Variants in SEMA5A observed in about 807,000 individuals in gnomAD.
SEMA5A encodes semaphorin 5A.
In SEMA5A, 55 loss-of-function variants were observed where a neutral mutation model predicts 135.5. That is an observed-to-expected ratio of 0.41 (90% CI 0.33 to 0.51). The LOEUF (loss-of-function observed/expected upper bound fraction) is 0.51. SEMA5A is among the 20% of genes least tolerant of loss of function. The pLI, the probability that SEMA5A is intolerant of heterozygous loss-of-function variation, is 0.37. For synonymous variants in SEMA5A, 580 were observed against 546.5 expected (o/e 1.06, Z -0.85); for missense variants, 1,290 against 1,419.9 (o/e 0.91, Z 1.47).
chr5:9,295,200 G>T (rs1034494272), intron 5 of SEMA5A, among the ~76,000 whole-genome samples: 8 of 152,142 alleles, frequency 5.3e-5, no homozygotes, highest in African/African-American at 1.9e-4. Flanking sequence ...TATTCAGTAA[G>T]CATAAAAAGG....
At chr5:9,083,586 T>TCATCCATCCATC (rs60509063) in intron 16 of SEMA5A, among the ~76,000 whole-genome samples, 11 of 44,970 alleles carry the variant, frequency 2.4e-4, no homozygotes, top group Admixed American at 7.3e-4. Context: ...ATTCATCCAT[T>TCATCCATCCATC]CATCCATCCA....
At chr5:9,265,244 G>A (rs1251628494) in intron 5 of SEMA5A, among the ~76,000 whole-genome samples, 1 of 152,042 alleles carries the variant, frequency 6.6e-6, no homozygotes, top group Non-Finnish European at 1.5e-5. Context: ...GGTCTCCAAC[G>A]GCCTAATTAC....
intron 17 of SEMA5A, among the ~76,000 whole-genome samples, chr5:9,063,663 C>T (rs1737304401): frequency 6.6e-6 from 1 of 152,210 alleles, no homozygotes; most frequent in Admixed American, 6.5e-5. Flanking sequence ...GGAACTCATG[C>T]CCTAGAACTG....
chr5:9,457,809 G>C (rs1480705161), intron 1 of SEMA5A, among the ~76,000 whole-genome samples: 1 of 151,706 alleles, frequency 6.6e-6, no homozygotes. Context: ...ATGCCTTTTG[G>C]GGCTACATGT....
chr5:9,055,826 G>A (rs1166608413), intron 18 of SEMA5A, among the ~76,000 whole-genome samples: 9 of 151,202 alleles, frequency 6.0e-5, no homozygotes, highest in African/African-American at 2.2e-4. Context: ...GATACTGGCT[G>A]TAATATCAGC....
chr5:9,053,254 C>A (rs1051716830), intron 19 of SEMA5A, among the ~76,000 whole-genome samples: 3 of 152,222 alleles, frequency 2.0e-5, no homozygotes, highest in Admixed American at 6.5e-5. Flanking sequence ...AAGCGAGGAG[C>A]TCCCACACCC....
intron 8 of SEMA5A, among the ~76,000 whole-genome samples, chr5:9,221,592 G>A (rs71611368): frequency 0.069 from 10,545 of 152,162 alleles, 480 homozygotes; most frequent in Middle Eastern, 0.12. Context: ...GTGAGCCACC[G>A]CGCCTGGCCC....
At chr5:9,211,530 G>A (rs566888440) in intron 8 of SEMA5A, among the ~76,000 whole-genome samples, 9 of 152,140 alleles carry the variant, frequency 5.9e-5, no homozygotes, top group African/African-American at 2.2e-4. Flanking sequence ...CTTCCAAACA[G>A]GCTCTCACTG....
chr5:9,404,125 G>T (rs760789673), intron 2 of SEMA5A, among the ~76,000 whole-genome samples: 1 of 152,046 alleles, frequency 6.6e-6, no homozygotes, highest in Non-Finnish European at 1.5e-5. Flanking sequence ...GTAGAGATGC[G>T]GTTTCACCAT....
At chr5:9,534,979 A>G (rs188089614) in intron 1 of SEMA5A, among the ~76,000 whole-genome samples, 6 of 152,338 alleles carry the variant, frequency 3.9e-5, no homozygotes, top group African/African-American at 2.4e-5. Flanking sequence ...CCTAAAGTCC[A>G]AGCACCTACA....
chr5:9,431,518 A>T (rs1336354418), intron 2 of SEMA5A, among the ~76,000 whole-genome samples: 4 of 152,146 alleles, frequency 2.6e-5, no homozygotes, highest in African/African-American at 9.7e-5. Context: ...GCTCAAAAAG[A>T]CACAAACACA....
chr5:9,451,329 G>A (rs1338699959), intron 1 of SEMA5A, among the ~76,000 whole-genome samples: 1 of 152,172 alleles, frequency 6.6e-6, no homozygotes, highest in Non-Finnish European at 1.5e-5. Flanking sequence ...TCATTCAAAT[G>A]GAAAGCTGGC....
chr5:9,216,265 T>C (rs1194589646), intron 8 of SEMA5A, among the ~76,000 whole-genome samples: 1 of 152,228 alleles, frequency 6.6e-6, no homozygotes, highest in African/African-American at 2.4e-5. Context: ...AGGAGCATGT[T>C]GTTCGATTTC....
chr5:9,195,255 C>T (rs1039374786), intron 10 of SEMA5A, among the ~76,000 whole-genome samples: 2 of 152,140 alleles, frequency 1.3e-5, no homozygotes, highest in Non-Finnish European at 2.9e-5. Flanking sequence ...ACTGATTGAA[C>T]TCCTGGGCTC....
At chr5:9,353,098 G>GAAAGGGAAGGGAAGGGA (rs1378151075) in intron 3 of SEMA5A, among the ~76,000 whole-genome samples, 1 of 21,788 alleles carries the variant, frequency 4.6e-5, no homozygotes, top group Admixed American at 7.9e-4. Flanking sequence ...GGAAAGGAAG[G>GAAAGGGAAGGGAAGGGA]AAGGAAAGGA....
rs1736038240 is a variant in SEMA5A, at chr5:9,042,896, G to A, written c.*1C>T. 1 of 1,613,972 alleles carries A rather than the reference G, an allele frequency of 6.2e-7. No individual in the cohort carries two copies. On this transcript the variant is annotated 3_prime_UTR_variant, in exon 23 of 23. Transcript: ENST00000382496. ...ACAAGAAGCCAAAAACATGAAAGCT[G>A]TTAGTACTCATCATAATTATTGAGA...
intron 2 of SEMA5A, among the ~76,000 whole-genome samples, chr5:9,388,318 G>A (rs1458137601): frequency 6.6e-6 from 1 of 152,050 alleles, no homozygotes; most frequent in East Asian, 1.9e-4. Flanking sequence ...AGATCGCCTG[G>A]AGGAACGATA....
intron 1 of SEMA5A, among the ~76,000 whole-genome samples, chr5:9,542,756 T>C (rs1738162753): frequency 6.6e-6 from 1 of 152,226 alleles, no homozygotes; most frequent in Admixed American, 6.5e-5. Flanking sequence ...CATATACTAC[T>C]ATAAAAATGG....
chr5:9,384,567 G>GATAGATAC (rs1755754273), intron 2 of SEMA5A, among the ~76,000 whole-genome samples: 2 of 103,010 alleles, frequency 1.9e-5, no homozygotes, highest in South Asian at 3.5e-4. Context: ...TAGATAGATA[G>GATAGATAC]ATACATAGAT....
Sources: gnomAD v4.1 joint callset for allele counts (sites outside exome capture counted in the v4.1 genomes callset) on GRCh38, gnomAD v4.1.1 for gene constraint, MANE v1.5 for transcripts, NCBI Gene and HGNC (gene_info 2026-07-23, HGNC 2026-07-21) for gene names.